The following RFX3 variants were observed in gnomAD, a reference collection of about 807,000 sequenced individuals.
RFX3 encodes the protein transcription factor RFX3.
RFX3 carries 14 observed loss-of-function variants against 98.6 expected under a neutral mutation model. The observed-to-expected ratio is 0.14, with a 90% CI of 0.09 to 0.22. The LOEUF (loss-of-function observed/expected upper bound fraction) is 0.22. RFX3 is among the 10% of genes least tolerant of loss of function. The pLI, the probability that RFX3 is intolerant of heterozygous loss-of-function variation, is 1.00. For missense variants in RFX3, 639 were observed against 926.9 expected (o/e 0.69, Z 4.03); for synonymous variants, 383 against 328.4 (o/e 1.17, Z -1.80).
intron 4 of RFX3, among the ~76,000 whole-genome samples, chr9:3,317,317 T>C (rs979768606): frequency 2.0e-4 from 31 of 152,180 alleles, no homozygotes; most frequent in Non-Finnish European, 3.8e-4. Context: ...GCTAGCCACA[T>C]GTAGAAAGCT....
At chr9:3,512,939 G>A (rs375091395) in intron 1 of RFX3, among the ~76,000 whole-genome samples, 29 of 151,614 alleles carry the variant, frequency 1.9e-4, no homozygotes, top group African/African-American at 6.5e-4. Context: ...ATATCGTTAT[G>A]TCCTTTTTGT....
chr9:3,329,216 G>T (rs911437995), intron 4 of RFX3, among the ~76,000 whole-genome samples: 1 of 151,842 alleles, frequency 6.6e-6, no homozygotes, highest in African/African-American at 2.4e-5. Context: ...AGACCAGCCT[G>T]GCCAACATGG....
intron 14 of RFX3, among the ~76,000 whole-genome samples, chr9:3,250,025 T>G (rs10970967): frequency 0.2 from 30,883 of 151,838 alleles, 3,514 homozygotes; most frequent in South Asian, 0.31. Flanking sequence ...TATCCACGTC[T>G]TTCCTAAAAT....
intron 7 of RFX3, among the ~76,000 whole-genome samples, chr9:3,285,969 TC>T (rs1276676335): frequency 6.6e-6 from 1 of 151,770 alleles, no homozygotes; most frequent in Non-Finnish European, 1.5e-5. Flanking sequence ...ATAAAGAATG[TC>T]CCTTGAAGGC....
chr9:3,497,660 G>A (rs1023210386), intron 1 of RFX3, among the ~76,000 whole-genome samples: 1 of 151,826 alleles, frequency 6.6e-6, no homozygotes, highest in African/African-American at 2.4e-5. Context: ...GAATGTGAAA[G>A]AATACACCAC....
In RFX3 at chr9:3,218,983, T is replaced by C. The variant is rs777458163; in HGVS notation, c.*6059A>G. 2 of 152,082 alleles carry C rather than the reference T, an allele frequency of 1.3e-5. No homozygotes were observed. Among genetic ancestry groups the C allele is most frequent in the Non-Finnish European group, 2.9e-5 (2 of 68,002 alleles). The allele number at this position is 152,082 out of a possible 1,614,324, so 9.4% of individuals were successfully genotyped here. A position where few individuals can be genotyped will look rare whatever the true frequency, so the allele number is the denominator to read the frequency against. On this transcript the variant is annotated 3_prime_UTR_variant, in exon 17 of 17. Transcript: ENST00000617270. ...AAGGTACGAAAGCCCTGAGTGATAG[T>C]GAAGTTACTGATTGGTAAGCACTAC...
intron 4 of RFX3, among the ~76,000 whole-genome samples, chr9:3,324,878 C>T (rs578178507): frequency 6.6e-6 from 1 of 152,062 alleles, no homozygotes; most frequent in African/African-American, 2.4e-5. Flanking sequence ...GTGGGAGAAT[C>T]GCTTGAACAC....
chr9:3,276,582 C>G (rs181442766), intron 8 of RFX3, among the ~76,000 whole-genome samples: 1 of 152,034 alleles, frequency 6.6e-6, no homozygotes, highest in African/African-American at 2.4e-5. Flanking sequence ...GTCTGAGAAA[C>G]GCTGCCATGT....
intron 5 of RFX3, among the ~76,000 whole-genome samples, chr9:3,294,466 T>C (rs1023402638): frequency 6.6e-6 from 1 of 152,132 alleles, no homozygotes; most frequent in African/African-American, 2.4e-5. Flanking sequence ...CAAAAATGAA[T>C]GTGATCTCAT....
rs143496216 is a variant in RFX3 at position 3,232,974 on chromosome 9, A to G, written c.1969-4085T>C. Among the ~76,000 whole-genome samples, 943 of 152,352 alleles carry G rather than the reference A, an allele frequency of 6.2e-3. 8 individuals carry two copies. The highest frequency in any genetic ancestry group is 0.022 in the African/African-American group (897 of 41,578). The stretch of plus-strand genomic sequence containing the variant: ...TCAATGTATGAATTCACATTCCATC[A>G]GTCAGAGAGATAAATAGGAAACGTT... On this transcript the variant is annotated intron_variant, in intron 15 of 16. Coordinates refer to ENST00000617270, the MANE Select transcript of RFX3 (RefSeq NM_001282116.2).
chr9:3,319,281 T>C (rs1339330242), intron 4 of RFX3, among the ~76,000 whole-genome samples: 1 of 150,906 alleles, frequency 6.6e-6, no homozygotes, highest in East Asian at 1.9e-4. Context: ...TGGGGTGAGA[T>C]CCAGAGATGT....
chr9:3,400,217 G>C (rs1841335736), intron 1 of RFX3: 1 of 982,402 alleles, frequency 1.0e-6, no homozygotes, highest in Non-Finnish European at 1.2e-6. Flanking sequence ...AAGTAAGAAA[G>C]GCAAACTGAT....
intron 2 of RFX3, among the ~76,000 whole-genome samples, chr9:3,383,626 G>A (rs1839418815): frequency 6.6e-6 from 1 of 152,086 alleles, no homozygotes; most frequent in African/African-American, 2.4e-5. Flanking sequence ...TACGCAGCCA[G>A]GACAAAGAGA....
intron 4 of RFX3, among the ~76,000 whole-genome samples, chr9:3,321,122 T>A (rs915650705): frequency 4.6e-5 from 7 of 152,044 alleles, no homozygotes; most frequent in African/African-American, 1.7e-4. Context: ...CAGGCTGGTC[T>A]CGAACTCCTG....
intron 1 of RFX3, among the ~76,000 whole-genome samples, chr9:3,426,285 G>C (rs1404223595): frequency 6.6e-6 from 1 of 151,386 alleles, no homozygotes; most frequent in African/African-American, 2.4e-5. Context: ...ATGATGATCG[G>C]GTCAGTGTAA....
intron 1 of RFX3, among the ~76,000 whole-genome samples, chr9:3,413,918 G>C (rs865969381): frequency 4.0e-5 from 6 of 151,882 alleles, no homozygotes; most frequent in Middle Eastern, 3.2e-3. Flanking sequence ...GCTAGTGTTT[G>C]GTACTTAGAA....
intron 14 of RFX3, among the ~76,000 whole-genome samples, chr9:3,249,121 A>C (rs1041195173): frequency 2.0e-5 from 3 of 152,118 alleles, no homozygotes; most frequent in Admixed American, 6.6e-5. Context: ...ACACTAAAAC[A>C]ACCATTGTAT....
At position 3,370,573 on chromosome 9, in the gene RFX3, G is replaced by A. The variant is rs868294338; in HGVS notation, c.118-23809C>T. Among the ~76,000 whole-genome samples the A allele has an allele frequency of 7.9e-5, 12 of 152,030 alleles. No homozygotes were observed. The South Asian group carries it at 1.5e-3, about 18-fold the overall frequency. Reference sequence around the variant, plus strand: ...GGATGGGGAGGGTAGAGATTGGGACGAGCCAGAGGAAAGTTTTCTAGAGTG... The same window carrying A: ...GGATGGGGAGGGTAGAGATTGGGACAAGCCAGAGGAAAGTTTTCTAGAGTG... On this transcript the variant is annotated intron_variant, in intron 2 of 16. Transcript: ENST00000617270.
rs934464668 is a variant in RFX3 at position 3,387,367 on chromosome 9, T to TA, written c.117+8104dup. On this transcript the variant is annotated intron_variant, in intron 2 of 16. Transcript: ENST00000617270. ...CTGATCACAATGATCTAACTCTGGA[T>TA]AAAAAAAAATTTTTTTAATTACTTA... Among the ~76,000 whole-genome samples, 110 of 152,016 alleles carry TA rather than the reference T, an allele frequency of 7.2e-4. 2 individuals carry two copies. The highest frequency in any genetic ancestry group is 2.5e-3 in the African/African-American group (102 of 41,480).
Sources: allele counts gnomAD v4.1 joint callset (sites outside exome capture counted in the v4.1 genomes callset), GRCh38; gene constraint gnomAD v4.1.1; transcripts MANE v1.5; gene names NCBI Gene and HGNC (gene_info 2026-07-23, HGNC 2026-07-21).